NUMB: variants seen among roughly 807,000 people sequenced by gnomAD.
NUMB encodes the protein protein numb homolog.
A neutral mutation model predicts 59.7 loss-of-function variants in NUMB; 29 were observed. The observed-to-expected ratio is 0.49, with a 90% CI of 0.36 to 0.66. The LOEUF (loss-of-function observed/expected upper bound fraction) is 0.66, where lower values mean the gene tolerates loss of function less well. NUMB is among the 30% of genes least tolerant of loss of function. The probability of loss-of-function intolerance (pLI) is 0.00; values close to 1 mark genes in which losing one functional copy is unlikely to be tolerated. For missense variants in NUMB, 723 were observed against 822.0 expected (o/e 0.88, Z 1.47); for synonymous variants, 288 against 288.2 (o/e 1.00, Z 0.01).
chr14:73,308,127 G>A (rs1469798881), intron 6 of NUMB, among the ~76,000 whole-genome samples: 1 of 152,158 alleles, frequency 6.6e-6, no homozygotes, highest in Non-Finnish European at 1.5e-5. Flanking sequence ...ATGCTAGTAG[G>A]ATGCTACTGC....
chr14:73,415,164 G>A (rs757681371), intron 1 of NUMB, among the ~76,000 whole-genome samples: 13 of 141,488 alleles, frequency 9.2e-5, no homozygotes, highest in Non-Finnish European at 1.8e-4. Flanking sequence ...TTTCGTCATT[G>A]GTCTGATTCT....
chr14:73,312,875 C>T (rs1890853033), intron 6 of NUMB, among the ~76,000 whole-genome samples: 1 of 152,122 alleles, frequency 6.6e-6, no homozygotes, highest in Non-Finnish European at 1.5e-5. Flanking sequence ...GAAGACAAAG[C>T]CTGTCATTGT....
chr14:73,424,433 T>A (rs1322918568), intron 1 of NUMB, among the ~76,000 whole-genome samples: 3 of 152,162 alleles, frequency 2.0e-5, no homozygotes, highest in Non-Finnish European at 2.9e-5. Context: ...AAGAACTTTA[T>A]AAAATCTTGC....
At chr14:73,383,472 G>C (rs1895349978) in intron 2 of NUMB, among the ~76,000 whole-genome samples, 1 of 152,070 alleles carries the variant, frequency 6.6e-6, no homozygotes, top group African/African-American at 2.4e-5. Context: ...AAGAGCATGA[G>C]AGACATGTGA....
At chr14:73,297,385 C>A in intron 6 of NUMB, 100 bp from the exon 7 acceptor site, 2 of 783,902 alleles carry the variant, frequency 2.6e-6, no homozygotes, top group South Asian at 3.1e-5. Context: ...TTCCAAAAGT[C>A]ACAAGTACAG....
At chr14:73,323,873 T>C (rs1247253367) in intron 4 of NUMB, among the ~76,000 whole-genome samples, 1 of 152,184 alleles carries the variant, frequency 6.6e-6, no homozygotes, top group Non-Finnish European at 1.5e-5. Flanking sequence ...AGGATAACTA[T>C]GTATCAGTGC....
At chr14:73,349,227 G>A (rs573113627) in intron 4 of NUMB, among the ~76,000 whole-genome samples, 1 of 152,116 alleles carries the variant, frequency 6.6e-6, no homozygotes, top group South Asian at 2.1e-4. Context: ...GATCACCTGA[G>A]GTCAGGCTGA....
Position 73,355,706 on chromosome 14 carries a change from C to A in NUMB, c.46G>T (p.Val16Phe). The change falls in exon 4 of 13, where the codon GTT (valine) becomes TTT (phenylalanine). Residue 16 changes from valine to phenylalanine, a missense_variant. By Grantham distance (50) the Val-to-Phe change is conservative. Transcript: ENST00000555238. ...QSFRRKKDVYVPEASRPHQWQ... is the reference protein window; with the variant it reads ...QSFRRKKDVYFPEASRPHQWQ... ...TGATGTGGACGACTGGCCTCTGGAACATAAACATCCTTCTTTCTCCTAAAA... is the reference window on the plus strand; with the variant it reads ...TGATGTGGACGACTGGCCTCTGGAAAATAAACATCCTTCTTTCTCCTAAAA... The A allele has an allele frequency of 6.2e-7, 1 of 1,613,610 alleles. No homozygotes were observed. The highest frequency in any genetic ancestry group is 8.5e-7 in the Non-Finnish European group (1 of 1,179,622).
At chr14:73,352,477 CATATATATATATATATAT>C (rs1170959840) in intron 4 of NUMB, among the ~76,000 whole-genome samples, 131 of 12,692 alleles carry the variant, frequency 0.01, 10 homozygotes, top group East Asian at 0.032. Context: ...CACACACACA[CATATATATATATATATAT>C]ATATATATAT....
intron 5 of NUMB, among the ~76,000 whole-genome samples, chr14:73,319,098 A>AC: frequency 6.6e-6 from 1 of 152,070 alleles, no homozygotes; most frequent in East Asian, 1.9e-4. Context: ...ACATGGTGAA[A>AC]CCCCGTCTCA....
chr14:73,451,469 G>A (rs1487429299), intron 1 of NUMB, among the ~76,000 whole-genome samples: 2 of 147,762 alleles, frequency 1.4e-5, no homozygotes, highest in African/African-American at 2.5e-5. Flanking sequence ...ACAAAAATTA[G>A]CCAGGCATAG....
At chr14:73,454,066 C>G (rs931683241) in intron 1 of NUMB, among the ~76,000 whole-genome samples, 18 of 149,926 alleles carry the variant, frequency 1.2e-4, no homozygotes, top group African/African-American at 4.4e-4. Flanking sequence ...AAAAGTTGGG[C>G]GGGGGGGGAA....
intron 1 of NUMB, among the ~76,000 whole-genome samples, chr14:73,441,144 G>A (rs777606049): frequency 4.6e-5 from 7 of 151,810 alleles, no homozygotes; most frequent in Non-Finnish European, 8.8e-5. Context: ...TTAAAAAATC[G>A]GCAAGCATAT....
Position 73,370,674 on chromosome 14 carries a change from A to G in NUMB, c.-100-3693T>C, listed in dbSNP as rs557246835. Among the ~76,000 whole-genome samples, 8 of 152,226 alleles carry G rather than the reference A, an allele frequency of 5.3e-5. No individual in the cohort carries two copies. The East Asian group carries it at 9.7e-4, about 18-fold the overall frequency. On this transcript the variant is annotated intron_variant, in intron 2 of 12. Coordinates refer to ENST00000555238, the MANE Select transcript of NUMB (RefSeq NM_001005743.2). Reference sequence around the variant, plus strand: ...GCCACTGCACTCCGGCCTGGGTAACAAGAGTGAAACTCCGCCTCAAAAAGA... The same window carrying G: ...GCCACTGCACTCCGGCCTGGGTAACGAGAGTGAAACTCCGCCTCAAAAAGA...
intron 3 of NUMB, among the ~76,000 whole-genome samples, chr14:73,358,940 T>C (rs1283578874): frequency 2.0e-5 from 3 of 152,114 alleles, no homozygotes; most frequent in African/African-American, 7.2e-5. Flanking sequence ...GACAGTGTAA[T>C]AGTCCAACCT....
At chr14:73,347,094 G>A (rs1892958451) in intron 4 of NUMB, among the ~76,000 whole-genome samples, 1 of 152,084 alleles carries the variant, frequency 6.6e-6, no homozygotes, top group Non-Finnish European at 1.5e-5. Flanking sequence ...CCAGGCTCAA[G>A]TGATCCTCCC....
Position 73,276,307 on chromosome 14 carries a change from A to T in NUMB, c.*271T>A. 2.7e-6 allele frequency: 1 copy of T among 363,826 alleles called. No homozygotes were observed. The allele number at this position is 363,826 out of a possible 1,614,324, so 22.5% of individuals were successfully genotyped here. A position where few individuals can be genotyped will look rare whatever the true frequency, so the allele number is the denominator to read the frequency against. Reference sequence around the variant, plus strand: ...ATACTTTGCCTCTCTGTTGCCAGAGATTTGTAAGGGGGTAAGGGAAGAGGG... The same window carrying T: ...ATACTTTGCCTCTCTGTTGCCAGAGTTTTGTAAGGGGGTAAGGGAAGAGGG... On this transcript the variant is annotated 3_prime_UTR_variant, in exon 13 of 13. Transcript: ENST00000555238.
chr14:73,367,631 C>T (rs999707515), intron 2 of NUMB, among the ~76,000 whole-genome samples: 11 of 151,800 alleles, frequency 7.2e-5, no homozygotes, highest in Non-Finnish European at 1.5e-4. Context: ...AAAAATTAGC[C>T]AGGTATGGTG....
intron 10 of NUMB, 103 bp downstream of exon 10, chr14:73,283,978 G>C: frequency 9.0e-7 from 1 of 1,115,668 alleles, no homozygotes; most frequent in African/African-American, 1.6e-5. Flanking sequence ...CGAACCTCAG[G>C]GAAAGAGGAA....
Sources: gnomAD v4.1 joint callset for allele counts (sites outside exome capture counted in the v4.1 genomes callset) on GRCh38, gnomAD v4.1.1 for gene constraint, MANE v1.5 for transcripts, NCBI Gene and HGNC (gene_info 2026-07-23, HGNC 2026-07-21) for gene names.